Variants in PTPRZ1 observed in about 807,000 individuals in gnomAD.
PTPRZ1 encodes the protein protein tyrosine phosphatase receptor type Z1.
In PTPRZ1, 82 loss-of-function variants were observed where a neutral mutation model predicts 214.1. The observed-to-expected ratio is 0.38, with a 90% CI of 0.32 to 0.46. The LOEUF is 0.46. Ranked by LOEUF, PTPRZ1 falls within the 20% of genes least tolerant of loss-of-function variation. The pLI is 1.00. For missense variants in PTPRZ1, 2,603 were observed against 2,748.7 expected (o/e 0.95, Z 1.19); for synonymous variants, 945 against 987.9 (o/e 0.96, Z 0.81).
chr7:122,020,825 A>C (rs1281118176), intron 13 of PTPRZ1, among the ~76,000 whole-genome samples: 1 of 108,670 alleles, frequency 9.2e-6, no homozygotes, highest in African/African-American at 4.0e-5. Context: ...ATTGCCAAAG[A>C]TTCTTTTTTT....
intron 29 of PTPRZ1, 76 bp downstream of exon 29, chr7:122,059,964 T>G (rs1310953847): frequency 3.5e-6 from 5 of 1,419,740 alleles, no homozygotes; most frequent in Non-Finnish European, 4.8e-6. Context: ...TGAAATCTTA[T>G]GTATCAAGAA....
At chr7:121,923,416 G>C (rs1795659259) in intron 1 of PTPRZ1, among the ~76,000 whole-genome samples, 1 of 152,070 alleles carries the variant, frequency 6.6e-6, no homozygotes. Context: ...TAGATCTGTG[G>C]TTATTTTCTA....
intron 10 of PTPRZ1, among the ~76,000 whole-genome samples, chr7:122,002,498 G>A (rs902437670): frequency 3.9e-5 from 6 of 152,108 alleles, no homozygotes; most frequent in Non-Finnish European, 1.5e-5. Flanking sequence ...TTAAAACCCT[G>A]TATTGTAATT....
At chr7:122,027,705 A>G (rs1322256321) in intron 13 of PTPRZ1, among the ~76,000 whole-genome samples, 2 of 152,210 alleles carry the variant, frequency 1.3e-5, no homozygotes, top group Non-Finnish European at 2.9e-5. Context: ...TTTACTTTAT[A>G]GCAGTAGTTG....
intron 19 of PTPRZ1, among the ~76,000 whole-genome samples, chr7:122,039,105 A>C (rs1045139075): frequency 6.6e-6 from 1 of 152,220 alleles, no homozygotes; most frequent in Non-Finnish European, 1.5e-5. Flanking sequence ...CATTCTTCAT[A>C]CTGTGGGAGA....
In PTPRZ1 at chr7:122,010,388, G is replaced by A; in HGVS notation, c.1342G>A (p.Asp448Asn). ...EEGAIVNPGR[D>N]SATNQIRKKE... is the part of the protein sequence containing the mutation. ...AGGCGCTATTGTGAATCCTGGTAGA[G>A]ACAGTGCTACAAACCAAATCAGGAA... The change falls in exon 12 of 30, where the codon GAC becomes AAC. Residue 448 changes from aspartate to asparagine, a missense_variant. By Grantham distance (23) the Asp-to-Asn change is conservative. Around this residue, in one of 6 missense-constraint regions of PTPRZ1, gnomAD observed 1,913 missense variants for 1,914.3 expected, o/e 1.00. Coordinates refer to ENST00000393386, the MANE Select transcript of PTPRZ1 (RefSeq NM_002851.3). 6.2e-7 allele frequency: 1 copy of A among 1,613,956 alleles called. No homozygotes were observed. Among genetic ancestry groups the A allele is most frequent in the East Asian group, 2.2e-5 (1 of 44,876 alleles).
intron 13 of PTPRZ1, among the ~76,000 whole-genome samples, chr7:122,020,828 C>T (rs199564076): frequency 1.7e-5 from 2 of 116,784 alleles, no homozygotes; most frequent in African/African-American, 3.5e-5. Flanking sequence ...GCCAAAGATT[C>T]TTTTTTTTTT....
chr7:122,012,151 T>A lies in PTPRZ1; in HGVS notation c.3105T>A (p.Gly1035=). The change falls in exon 12 of 30, where the codon GGT becomes GGA. Residue 1035 remains glycine, a synonymous_variant. Coordinates refer to ENST00000393386, the MANE Select transcript of PTPRZ1 (RefSeq NM_002851.3). The part of the protein sequence containing the change: ...AEFTYTTSVF[G]DDNKALSKSE... The stretch of plus-strand genomic sequence containing the variant: ...TTACATATACAACATCTGTGTTTGG[T>A]GATGATAATAAGGCGCTTTCTAAAA... 6.2e-7 allele frequency: 1 copy of A among 1,613,968 alleles called. No homozygotes were observed. The highest frequency in any genetic ancestry group is 1.7e-5 in the Admixed American group (1 of 60,004).
rs753518977 is a variant in PTPRZ1 at position 122,010,337 on chromosome 7, G to A, written c.1291G>A (p.Glu431Lys). The A allele has an allele frequency of 3.1e-6, 5 of 1,597,544 alleles. No homozygotes were observed. The Admixed American group carries it at 7.2e-5, about 23-fold the overall frequency. ...AAATCTTGTTTGCTTTTCAAAGGAG[G>A]AGGAAGAGGGAAAAGACATTGAAGA... ...LIGTEEIIKEEEEGKDIEEGA... is the reference protein window; with the variant it reads ...LIGTEEIIKEKEEGKDIEEGA... Residue 431 changes from glutamate to lysine, a missense_variant, in exon 12 of 30, where the codon GAG becomes AAG. Coordinates refer to ENST00000393386, the MANE Select transcript of PTPRZ1 (RefSeq NM_002851.3).
chr7:121,923,630 A>G, intron 1 of PTPRZ1, among the ~76,000 whole-genome samples: 1 of 152,066 alleles, frequency 6.6e-6, no homozygotes, highest in Middle Eastern at 3.2e-3. Context: ...AATCAGAAGC[A>G]TTTTTAGAAT....
chr7:121,968,325 C>T (rs1212796816), intron 3 of PTPRZ1, among the ~76,000 whole-genome samples, 195 bp downstream of exon 3: 1 of 151,826 alleles, frequency 6.6e-6, no homozygotes, highest in Non-Finnish European at 1.5e-5. Context: ...AAAAAATGAC[C>T]AATGTCATCA....
At position 121,928,115 on chromosome 7, in the gene PTPRZ1, A is replaced by C. The variant is rs1055538102; in HGVS notation, c.59-41A>C. 6.3e-6 allele frequency: 9 copies of C among 1,432,896 alleles called. No homozygotes were observed. The Admixed American group carries it at 8.9e-5, about 14-fold the overall frequency. The allele number at this position is 1,432,896 out of a possible 1,614,324, so 88.8% of individuals were successfully genotyped here. ...GGGCATCTTTTATTTTTGGACATAT[A>C]TTTTTCTACATACTGATTACTTGGT... On this transcript the variant is annotated intron_variant, in intron 1 of 29. Transcript: ENST00000393386.
At chr7:121,902,873 C>T (rs1290377319) in intron 1 of PTPRZ1, among the ~76,000 whole-genome samples, 2 of 151,928 alleles carry the variant, frequency 1.3e-5, no homozygotes, top group East Asian at 3.9e-4. Context: ...GAAGCAAAAC[C>T]TTATAATACT....
Position 122,058,790 on chromosome 7 carries a change from C to A in PTPRZ1, c.6529-10C>A. 1.9e-6 allele frequency: 3 copies of A among 1,594,070 alleles called. 1 individual carries two copies. The South Asian group carries it at 3.4e-5, about 18-fold the overall frequency. On this transcript the variant is annotated splice_polypyrimidine_tract_variant and intron_variant, in intron 27 of 29. Coordinates refer to ENST00000393386, the MANE Select transcript of PTPRZ1 (RefSeq NM_002851.3). The stretch of plus-strand genomic sequence containing the variant: ...ACTAACTAACATTACTTTGTGTTTT[C>A]TTGTTATAGGATGATTATGTACTTG...
At chr7:121,919,084 T>C (rs1387943498) in intron 1 of PTPRZ1, among the ~76,000 whole-genome samples, 1 of 152,062 alleles carries the variant, frequency 6.6e-6, no homozygotes, top group Non-Finnish European at 1.5e-5. Context: ...ATGAAGAGTT[T>C]TAAGGATCTT....
intron 1 of PTPRZ1, among the ~76,000 whole-genome samples, chr7:121,897,161 T>A (rs1033107513): frequency 2.0e-5 from 3 of 152,190 alleles, no homozygotes; most frequent in African/African-American, 7.2e-5. Flanking sequence ...TTGTTTTTCT[T>A]GTTATTATTG....
intron 8 of PTPRZ1, among the ~76,000 whole-genome samples, chr7:121,986,769 C>T (rs1797773456): frequency 6.6e-6 from 1 of 152,158 alleles, no homozygotes; most frequent in Non-Finnish European, 1.5e-5. Context: ...AATAGACTCA[C>T]TCATTTAAAT....
intron 1 of PTPRZ1, among the ~76,000 whole-genome samples, chr7:121,893,462 G>C (rs1794698748): frequency 6.6e-6 from 1 of 152,190 alleles, no homozygotes; most frequent in Non-Finnish European, 1.5e-5. Flanking sequence ...AATCCTGTCA[G>C]TATTCTGTCA....
intron 2 of PTPRZ1, among the ~76,000 whole-genome samples, chr7:121,943,351 T>C (rs906874616): frequency 6.6e-6 from 1 of 152,166 alleles, no homozygotes; most frequent in Non-Finnish European, 1.5e-5. Context: ...TATTTATTTA[T>C]TTTTTTGAGA....
Sources: gnomAD v4.1 joint callset for allele counts (sites outside exome capture counted in the v4.1 genomes callset) on GRCh38, gnomAD v4.1.1 for gene constraint, gnomAD v4.1.1 regional missense constraint, MANE v1.5 for transcripts, NCBI Gene and HGNC (gene_info 2026-07-23, HGNC 2026-07-21) for gene names.